Variants in BTBD8 observed in about 807,000 individuals in gnomAD.
The protein encoded by BTBD8 is BTB domain containing 8.
BTBD8 carries 110 observed loss-of-function variants against 162.9 expected under a neutral mutation model. The ratio of observed to expected loss-of-function variants is 0.68; its 90% CI spans 0.58 to 0.79. BTBD8 has a LOEUF of 0.79. Ranked by LOEUF, BTBD8 falls within the 30% of genes least tolerant of loss-of-function variation. The pLI is 0.00. For missense variants in BTBD8, 1,905 were observed against 2,085.4 expected (o/e 0.91, Z 1.68); for synonymous variants, 667 against 716.1 (o/e 0.93, Z 1.10).
At chr1:92,086,975 G>C (rs1570711671) in intron 1 of BTBD8, among the ~76,000 whole-genome samples, 1 of 152,148 alleles carries the variant, frequency 6.6e-6, no homozygotes, top group Non-Finnish European at 1.5e-5. Context: ...AAAGATATGA[G>C]ATGGAAAGAA....
chr1:92,145,852 G>A (rs1334616145), intron 7 of BTBD8, among the ~76,000 whole-genome samples: 1 of 151,890 alleles, frequency 6.6e-6, no homozygotes, highest in Non-Finnish European at 1.5e-5. Flanking sequence ...GTGGTGGCAG[G>A]CGCCTGTAAT....
chr1:92,145,980 C>CA (rs1171599849), intron 7 of BTBD8, among the ~76,000 whole-genome samples: 1,941 of 134,252 alleles, frequency 0.014, 12 homozygotes, highest in Middle Eastern at 0.023. Context: ...GAATCTGTCT[C>CA]AAAAAAAAAA....
chr1:92,159,900 C>G (rs1650243662), intron 9 of BTBD8, among the ~76,000 whole-genome samples: 2 of 152,208 alleles, frequency 1.3e-5, no homozygotes, highest in African/African-American at 4.8e-5. Flanking sequence ...TTTGGGAGTA[C>G]TTTGGGCTTC....
At chr1:92,167,288 T>A in intron 10 of BTBD8, 148 bp downstream of exon 10, 1 of 1,105,766 alleles carries the variant, frequency 9.0e-7, no homozygotes, top group Non-Finnish European at 1.3e-6. Context: ...ACATAGGATT[T>A]AAGGCAGTGA....
In BTBD8 at chr1:92,178,712, G is replaced by A. The variant is rs143096782; in HGVS notation, c.2581+261G>A. Among the ~76,000 whole-genome samples the A allele has an allele frequency of 1.9e-3, 294 of 152,176 alleles. 1 individual carries two copies. The highest frequency in any genetic ancestry group is 6.8e-3 in the African/African-American group (284 of 41,508). ...CTGTCACCCAGGCTGGAGTACAGTG[G>A]CATGATCACACTGCAGTCCTCCTTC... is the stretch of plus-strand genomic sequence containing the variant. On this transcript the variant is annotated intron_variant, in intron 16 of 17. Transcript: ENST00000636805.
intron 12 of BTBD8, among the ~76,000 whole-genome samples, chr1:92,170,428 CT>C (rs780254011): frequency 1.3e-5 from 2 of 151,854 alleles, no homozygotes; most frequent in African/African-American, 2.4e-5. Context: ...AGTTACTGAC[CT>C]TTGGGAGAAA....
intron 13 of BTBD8, among the ~76,000 whole-genome samples, chr1:92,174,932 C>T (rs1421008996): frequency 6.6e-6 from 1 of 152,100 alleles, no homozygotes; most frequent in Non-Finnish European, 1.5e-5. Flanking sequence ...GTTATTTTAT[C>T]TTTGACAGCT....
At chr1:92,134,478 C>A (rs759325949) in intron 5 of BTBD8, among the ~76,000 whole-genome samples, 1 of 152,060 alleles carries the variant, frequency 6.6e-6, no homozygotes, top group Non-Finnish European at 1.5e-5. Flanking sequence ...TTTTTGGCTT[C>A]CTCTGCCTAA....
At position 92,167,733 on chromosome 1, in the gene BTBD8, A is replaced by G. The variant is rs1650421670; in HGVS notation, c.1306-115A>G. The G allele has an allele frequency of 5.1e-6, 4 of 780,632 alleles. No homozygotes were observed. The East Asian group carries it at 8.6e-5, about 17-fold the overall frequency. The allele number at this position is 780,632 out of a possible 1,614,324, so 48.4% of individuals were successfully genotyped here. Reference sequence around the variant, plus strand: ...GAATTTTTTAACAAAGGGAAAAAATACGATTTCTGGTTGACTTCATACAGC... The same window carrying G: ...GAATTTTTTAACAAAGGGAAAAAATGCGATTTCTGGTTGACTTCATACAGC... On this transcript the variant is annotated intron_variant, in intron 10 of 17. Coordinates refer to ENST00000636805, the MANE Select transcript of BTBD8 (RefSeq NM_001376131.1).
At chr1:92,152,091 A>T (rs1184677220) in intron 9 of BTBD8, among the ~76,000 whole-genome samples, 4 of 152,194 alleles carry the variant, frequency 2.6e-5, no homozygotes, top group Non-Finnish European at 5.9e-5. Flanking sequence ...AGTTCCCAAG[A>T]CAGTAAAAGG....
intron 13 of BTBD8, among the ~76,000 whole-genome samples, chr1:92,176,274 G>A (rs189129557): frequency 6.6e-6 from 1 of 152,104 alleles, no homozygotes; most frequent in Admixed American, 6.5e-5. Context: ...AGATGACTTC[G>A]GTGTGAGGTT....
At chr1:92,110,905 T>C (rs1648874370) in intron 4 of BTBD8, among the ~76,000 whole-genome samples, 1 of 152,154 alleles carries the variant, frequency 6.6e-6, no homozygotes, top group Admixed American at 6.5e-5. Context: ...AGTTGAATGT[T>C]ATATTTTTAA....
chr1:92,096,552 T>C (rs1296874954), intron 2 of BTBD8, among the ~76,000 whole-genome samples: 3 of 124,568 alleles, frequency 2.4e-5, no homozygotes, highest in Non-Finnish European at 5.1e-5. Context: ...CTATATTTCC[T>C]TTTTTTTTTT....
At chr1:92,157,698 G>A (rs937841924) in intron 9 of BTBD8, among the ~76,000 whole-genome samples, 1 of 150,698 alleles carries the variant, frequency 6.6e-6, no homozygotes, top group Non-Finnish European at 1.5e-5. Context: ...GGGTCTTGCT[G>A]TGTTGCCCAG....
chr1:92,151,679 CT>C (rs1650050418), intron 9 of BTBD8, among the ~76,000 whole-genome samples: 1 of 152,104 alleles, frequency 6.6e-6, no homozygotes, highest in Non-Finnish European at 1.5e-5. Context: ...ATATAGTCTT[CT>C]ATCCTTCACA....
intron 5 of BTBD8, among the ~76,000 whole-genome samples, chr1:92,136,130 ATATT>A (rs1164514137): frequency 6.6e-6 from 1 of 152,180 alleles, no homozygotes; most frequent in Non-Finnish European, 1.5e-5. Context: ...GGATCAGTAA[ATATT>A]TATTTAATTA....
chr1:92,173,174 C>G (rs1650603302), intron 13 of BTBD8, among the ~76,000 whole-genome samples: 2 of 152,250 alleles, frequency 1.3e-5, no homozygotes, highest in South Asian at 4.1e-4. Context: ...ATCTGCCCGC[C>G]TCGGCCTCCC....
intron 16 of BTBD8, 132 bp downstream of exon 16, chr1:92,178,583 CAT>C (rs1389878910): frequency 1.4e-6 from 1 of 707,710 alleles, no homozygotes; most frequent in East Asian, 2.8e-5. Context: ...TGTTTCACAC[CAT>C]AGAGATGAGA....
Position 92,118,803 on chromosome 1 carries a change from C to CTTTTTTTTTTTTTTTTT in BTBD8, c.662+10803_662+10819dup, listed in dbSNP as rs386367658. Among the ~76,000 whole-genome samples the CTTTTTTTTTTTTTTTTT allele has an allele frequency of 3.5e-3, 334 of 95,224 alleles. 1 individual carries two copies. Among genetic ancestry groups the CTTTTTTTTTTTTTTTTT allele is most frequent in the East Asian group, 0.01 (27 of 2,614 alleles). 62.5% of individuals were successfully genotyped at this position (95,224 alleles called of 152,430 possible). The stretch of plus-strand genomic sequence containing the variant: ...CTTATAATTTGGCTTTTCTTTCTTT[C>CTTTTTTTTTTTTTTTTT]TTTTTTTTTTTTTTTTTGCTCTATT... On this transcript the variant is annotated intron_variant, in intron 4 of 17. Transcript: ENST00000636805.
Sources: gnomAD v4.1 joint callset for allele counts (sites outside exome capture counted in the v4.1 genomes callset) on GRCh38, gnomAD v4.1.1 for gene constraint, MANE v1.5 for transcripts, NCBI Gene and HGNC (gene_info 2026-07-23, HGNC 2026-07-21) for gene names.